INPP5D: variants seen among roughly 807,000 people sequenced by gnomAD.
INPP5D encodes the protein phosphatidylinositol 3,4,5-trisphosphate 5-phosphatase 1.
INPP5D carries 33 observed loss-of-function variants against 122.9 expected under a neutral mutation model. The observed-to-expected ratio is 0.27, with a 90% CI of 0.20 to 0.36. The LOEUF (loss-of-function observed/expected upper bound fraction) is 0.36. Among genes scored for constraint, INPP5D ranks in the 10% least tolerant of loss-of-function variants. The probability of loss-of-function intolerance (pLI) is 1.00; values close to 1 mark genes in which losing one functional copy is unlikely to be tolerated. For synonymous variants in INPP5D, 584 were observed against 576.2 expected, an observed-to-expected ratio of 1.01 and a Z score of -0.19; for missense variants, 1,053 against 1,412.7, an observed-to-expected ratio of 0.75 and a Z score of 4.08.
At chr2:233,083,929 C>G (rs1691759551) in intron 2 of INPP5D, among the ~76,000 whole-genome samples, 1 of 152,232 alleles carries the variant, frequency 6.6e-6, no homozygotes, top group Non-Finnish European at 1.5e-5. Flanking sequence ...AAAATTAGAA[C>G]TACCCATAAT....
intron 1 of INPP5D, among the ~76,000 whole-genome samples, chr2:233,075,861 C>G (rs1476074262): frequency 2.0e-5 from 3 of 152,140 alleles, no homozygotes; most frequent in Non-Finnish European, 2.9e-5. Flanking sequence ...ATTGGCTATG[C>G]AGGGTCATTA....
chr2:233,176,195 C>T (rs1246969245), intron 17 of INPP5D, among the ~76,000 whole-genome samples: 2 of 152,186 alleles, frequency 1.3e-5, no homozygotes, highest in Admixed American at 1.3e-4. Context: ...ACATCTTGCT[C>T]ATCATTGCAG....
intron 2 of INPP5D, among the ~76,000 whole-genome samples, chr2:233,101,917 T>G (rs1243522332): frequency 2.6e-5 from 4 of 152,028 alleles, no homozygotes; most frequent in Non-Finnish European, 4.4e-5. Flanking sequence ...CTGCCCATTC[T>G]TCTGAGCTTC....
At chr2:233,106,582 G>A (rs1322295400) in intron 2 of INPP5D, among the ~76,000 whole-genome samples, 1 of 152,230 alleles carries the variant, frequency 6.6e-6, no homozygotes, top group Non-Finnish European at 1.5e-5. Flanking sequence ...CCCTGCAGCA[G>A]GGAAGGGCCC....
chr2:233,098,352 T>C (rs1692206221), intron 2 of INPP5D, among the ~76,000 whole-genome samples: 1 of 152,100 alleles, frequency 6.6e-6, no homozygotes, highest in South Asian at 2.1e-4. Context: ...ACTTAGCCAG[T>C]GGTGAGCCAC....
intron 5 of INPP5D, among the ~76,000 whole-genome samples, chr2:233,135,823 GTTTTTCAGAAATT>G (rs1366533825): frequency 6.6e-6 from 1 of 152,000 alleles, no homozygotes; most frequent in Non-Finnish European, 1.5e-5. Context: ...TCCAAAAATT[GTTTTTCAGAAATT>G]TTATAGTCCT....
intron 2 of INPP5D, among the ~76,000 whole-genome samples, chr2:233,087,110 C>CTA (rs1484810757): frequency 1.4e-3 from 210 of 152,194 alleles, no homozygotes; most frequent in Non-Finnish European, 2.5e-3. Flanking sequence ...TTGACTTTGC[C>CTA]CTTCGAGATC....
intron 25 of INPP5D, 148 bp from the exon 26 acceptor site, chr2:233,203,978 C>T: frequency 7.7e-7 from 1 of 1,306,202 alleles, no homozygotes; most frequent in Non-Finnish European, 1.0e-6. Context: ...AATTTGGTGC[C>T]ATTCAGTAAA....
In INPP5D at chr2:233,125,791, G is replaced by C. The variant is rs745814808; in HGVS notation, c.396G>C (p.Pro132=). 2 of 1,613,816 alleles carry C rather than the reference G, an allele frequency of 1.2e-6. No homozygotes were observed. Among genetic ancestry groups the C allele is most frequent in the Non-Finnish European group, 8.5e-7 (1 of 1,179,804 alleles). Residue 132 remains proline, a synonymous_variant, in exon 4 of 27, where the codon CCG becomes CCC. Transcript: ENST00000445964. Reference sequence around the variant, plus strand: ...CCGAGCTGCCCCCAAGAAACATCCCGCTGACTGCCAGCTCCTGTGAGGCCA... The same window carrying C: ...CCGAGCTGCCCCCAAGAAACATCCCCCTGACTGCCAGCTCCTGTGAGGCCA... The part of the protein sequence containing the change: ...SPPELPPRNI[P]LTASSCEAKE...
chr2:233,143,938 ATGGTGG>A (rs1693680190), intron 6 of INPP5D, among the ~76,000 whole-genome samples: 2 of 137,794 alleles, frequency 1.5e-5, no homozygotes, highest in African/African-American at 2.8e-5. Context: ...GAGGGTGGAG[ATGGTGG>A]TGGTGATGGT....
intron 1 of INPP5D, among the ~76,000 whole-genome samples, chr2:233,066,397 C>T (rs1179871081): frequency 2.0e-4 from 31 of 152,198 alleles, no homozygotes; most frequent in Non-Finnish European, 5.9e-5. Flanking sequence ...CTCAATAATT[C>T]GTGCCATGCT....
chr2:233,197,963 T>C lies in INPP5D; in HGVS notation c.2694-132T>C. The C allele has an allele frequency of 7.6e-7, 1 of 1,318,534 alleles. No individual in the cohort carries two copies. Among genetic ancestry groups the C allele is most frequent in the East Asian group, 2.6e-5 (1 of 38,752 alleles). The allele number at this position is 1,318,534 out of a possible 1,614,324, so 81.7% of individuals were successfully genotyped here. A position where few individuals can be genotyped will look rare whatever the true frequency, so the allele number is the denominator to read the frequency against. On this transcript the variant is annotated intron_variant, in intron 24 of 26. Transcript: ENST00000445964. The surrounding 1 kb of genome is among the most constrained non-coding windows in gnomAD (Gnocchi z 4.4). ...ATAGATGAATGAATGAATGGATCACTGCCCAAGAGGTGAAGGAGTTGAGGA... is the reference window on the plus strand; with the variant it reads ...ATAGATGAATGAATGAATGGATCACCGCCCAAGAGGTGAAGGAGTTGAGGA...
At chr2:233,069,604 T>A (rs1276693577) in intron 1 of INPP5D, among the ~76,000 whole-genome samples, 1 of 152,210 alleles carries the variant, frequency 6.6e-6, no homozygotes, top group Non-Finnish European at 1.5e-5. Flanking sequence ...TTCCTAAATA[T>A]CATATTTTAA....
intron 1 of INPP5D, among the ~76,000 whole-genome samples, chr2:233,068,495 T>G (rs1691288237): frequency 6.6e-6 from 1 of 151,870 alleles, no homozygotes; most frequent in African/African-American, 2.4e-5. Flanking sequence ...CTTGGGAGGC[T>G]GAGGCAGGAG....
intron 5 of INPP5D, chr2:233,131,095 A>T: frequency 1.1e-6 from 1 of 886,638 alleles, no homozygotes; most frequent in Non-Finnish European, 1.4e-6. Context: ...CAGTGATGTC[A>T]ATTTTTCAAA....
intron 14 of INPP5D, chr2:233,169,623 T>G: frequency 2.9e-6 from 2 of 687,354 alleles, no homozygotes; most frequent in Non-Finnish European, 4.7e-6. Flanking sequence ...AGATATTTCC[T>G]TGTGTCATTA....
chr2:233,076,081 T>C (rs1354656823), intron 1 of INPP5D, among the ~76,000 whole-genome samples: 1 of 152,166 alleles, frequency 6.6e-6, no homozygotes, highest in Non-Finnish European at 1.5e-5. Flanking sequence ...GACTCTCCCT[T>C]CGTGATTATG....
chr2:233,089,592 C>T (rs1469467086), intron 2 of INPP5D, among the ~76,000 whole-genome samples: 1 of 152,192 alleles, frequency 6.6e-6, no homozygotes, highest in Non-Finnish European at 1.5e-5. Context: ...GAGTCATGAT[C>T]CTTCCTGAAT....
chr2:233,166,821 T>C (rs1387340145), intron 13 of INPP5D, among the ~76,000 whole-genome samples: 3 of 151,566 alleles, frequency 2.0e-5, no homozygotes, highest in Admixed American at 1.3e-4. Context: ...CCCATCCCAC[T>C]AAAAATACAA....
Sources: allele counts gnomAD v4.1 joint callset (sites outside exome capture counted in the v4.1 genomes callset), GRCh38; gene constraint gnomAD v4.1.1; non-coding constraint Gnocchi (gnomAD v3.1); transcripts MANE v1.5; gene names NCBI Gene and HGNC (gene_info 2026-07-23, HGNC 2026-07-21).